Variants in DDAH1 observed in about 807,000 individuals in gnomAD.
DDAH1 encodes N(G),N(G)-dimethylarginine dimethylaminohydrolase 1.
DDAH1 carries 19 observed loss-of-function variants against 28.8 expected under a neutral mutation model. The observed-to-expected ratio is 0.66, with a 90% CI of 0.46 to 0.97. DDAH1 has a LOEUF of 0.97. Among genes scored for constraint, DDAH1 ranks in the 50% least tolerant of loss-of-function variants. The pLI is 0.00. For synonymous variants in DDAH1, 153 were observed against 154.4 expected, an observed-to-expected ratio of 0.99 and a Z score of 0.07; for missense variants, 326 against 375.9, an observed-to-expected ratio of 0.87 and a Z score of 1.10.
intron 2 of DDAH1, among the ~76,000 whole-genome samples, chr1:85,474,512 G>A (rs1232855311): frequency 6.6e-6 from 1 of 151,958 alleles, no homozygotes; most frequent in African/African-American, 2.4e-5. Context: ...TCCCTGCTTG[G>A]GTAATTCCTA....
At chr1:85,358,381 G>A (rs769343463) in intron 2 of DDAH1, among the ~76,000 whole-genome samples, 3 of 152,200 alleles carry the variant, frequency 2.0e-5, no homozygotes, top group Admixed American at 6.5e-5. Flanking sequence ...TGGGCATGGT[G>A]GCTTATGATA....
At chr1:85,407,301 T>G (rs921037633) in intron 1 of DDAH1, among the ~76,000 whole-genome samples, 1 of 152,216 alleles carries the variant, frequency 6.6e-6, no homozygotes, top group East Asian at 1.9e-4. Context: ...TGAAAAAATC[T>G]CTTAGCAACT....
At chr1:85,397,700 G>A (rs3949301) in intron 1 of DDAH1, among the ~76,000 whole-genome samples, 99,624 of 152,010 alleles carry the variant, frequency 0.66, 32,783 homozygotes, top group East Asian at 0.7. Context: ...TGGTTTAATT[G>A]CCAAGGCTTT....
chr1:85,353,735 T>C (rs189881656), intron 2 of DDAH1, among the ~76,000 whole-genome samples: 2 of 152,272 alleles, frequency 1.3e-5, no homozygotes, highest in Admixed American at 1.3e-4. Context: ...AGAAAATCTT[T>C]TAAGAAAAAC....
At chr1:85,366,850 T>C (rs137910841) in intron 1 of DDAH1, among the ~76,000 whole-genome samples, 13 of 152,250 alleles carry the variant, frequency 8.5e-5, no homozygotes, top group Non-Finnish European at 1.9e-4. Context: ...ATGATACTTA[T>C]ATTTTATTTT....
At chr1:85,332,145 C>T (rs1473567892) in intron 4 of DDAH1, among the ~76,000 whole-genome samples, 1 of 152,184 alleles carries the variant, frequency 6.6e-6, no homozygotes, top group Non-Finnish European at 1.5e-5. Context: ...TAGTTCTGGA[C>T]AGATAGAGAG....
intron 1 of DDAH1, among the ~76,000 whole-genome samples, chr1:85,501,536 G>A (rs565010577): frequency 1.3e-4 from 20 of 152,278 alleles, no homozygotes; most frequent in Admixed American, 9.8e-4. Flanking sequence ...CTGTTTCTCT[G>A]TGCAGCTTTC....
intron 2 of DDAH1, among the ~76,000 whole-genome samples, chr1:85,477,366 G>A (rs756370150): frequency 5.3e-5 from 8 of 152,052 alleles, no homozygotes; most frequent in East Asian, 1.9e-4. Context: ...ATATGCATCC[G>A]CCCTCAGGCC....
chr1:85,474,367 C>T (rs1209707609), intron 2 of DDAH1, among the ~76,000 whole-genome samples: 2 of 152,172 alleles, frequency 1.3e-5, no homozygotes, highest in Non-Finnish European at 2.9e-5. Context: ...CATGTTTTAC[C>T]ATGGCCCACC....
At chr1:85,547,708 G>C (rs1395717878) in intron 1 of DDAH1, among the ~76,000 whole-genome samples, 1 of 152,194 alleles carries the variant, frequency 6.6e-6, no homozygotes. Context: ...GACAGCAATT[G>C]ATTGATAGAG....
At position 85,450,275 on chromosome 1, in the gene DDAH1, G is replaced by T. The variant is rs116792893; in HGVS notation, c.303+14468C>A. ...ATGTAGTAGGCACTAAACAACAATT[G>T]CCTGTTGAATAAATAAAAGTAGTGT... is the stretch of plus-strand genomic sequence containing the variant. On this transcript the variant is annotated intron_variant, in intron 1 of 5. Transcript: ENST00000284031. Among the ~76,000 whole-genome samples the T allele has an allele frequency of 8.4e-3, 1,273 of 152,238 alleles. 17 individuals are homozygous for T. The highest frequency in any genetic ancestry group is 0.03 in the African/African-American group (1,235 of 41,550).
intron 1 of DDAH1, among the ~76,000 whole-genome samples, chr1:85,569,492 T>C (rs1412535170): frequency 6.6e-6 from 1 of 152,316 alleles, no homozygotes; most frequent in South Asian, 2.1e-4. Flanking sequence ...TGGTTCCAGG[T>C]GGGTTAATGA....
chr1:85,465,255 C>A, upstream of DDAH1: 1 of 1,071,554 alleles, frequency 9.3e-7, no homozygotes, highest in Non-Finnish European at 1.1e-6. Context: ...CCCGCGCGCC[C>A]ACTCCGGCGC....
chr1:85,490,874 G>A (rs754333063), intron 2 of DDAH1, among the ~76,000 whole-genome samples: 29 of 152,200 alleles, frequency 1.9e-4, no homozygotes, highest in Non-Finnish European at 3.5e-4. Context: ...TGTCTGCTCA[G>A]GGCTCATGGC....
chr1:85,377,685 A>G (rs1176153303), intron 1 of DDAH1, among the ~76,000 whole-genome samples: 2 of 152,064 alleles, frequency 1.3e-5, no homozygotes, highest in African/African-American at 4.8e-5. Flanking sequence ...GAAGCAAAAC[A>G]TCTTTCTCTT....
At chr1:85,558,570 C>T (rs17127889) in intron 1 of DDAH1, among the ~76,000 whole-genome samples, 1 of 152,170 alleles carries the variant, frequency 6.6e-6, no homozygotes, top group African/African-American at 2.4e-5. Context: ...TGATGGGTCT[C>T]TATGTTTTTT....
Position 85,510,358 on chromosome 1 carries a change from A to G in DDAH1, c.-122-14077T>C, listed in dbSNP as rs571744724. 4.7e-4 allele frequency among the ~76,000 whole-genome samples: 71 copies of G among 152,344 alleles called. 1 individual carries two copies. In the South Asian group the frequency reaches 0.012, roughly 26 times the overall value. On this transcript the variant is annotated intron_variant, in intron 1 of 6. Coordinates refer to the DDAH1 transcript ENST00000426972. ...AGAGCTCCTGAAGGAAGCACTAAAC[A>G]TGGAAAGAAAGAACCGGAACCAGCT...
intron 1 of DDAH1, among the ~76,000 whole-genome samples, chr1:85,385,254 G>A (rs1284584924): frequency 6.6e-6 from 1 of 152,206 alleles, no homozygotes; most frequent in Non-Finnish European, 1.5e-5. Context: ...CATAGCTATA[G>A]CCAGGGAGCT....
chr1:85,562,691 T>C (rs1293481502), intron 1 of DDAH1, among the ~76,000 whole-genome samples: 2 of 152,194 alleles, frequency 1.3e-5, no homozygotes, highest in Admixed American at 6.5e-5. Context: ...TGAGAACTGC[T>C]GGAAGCCACC....
Sources: allele counts gnomAD v4.1 joint callset (sites outside exome capture counted in the v4.1 genomes callset), GRCh38; gene constraint gnomAD v4.1.1; transcripts MANE v1.5; gene names NCBI Gene and HGNC (gene_info 2026-07-23, HGNC 2026-07-21).